MROH1: variants seen among roughly 807,000 people sequenced by gnomAD.
The protein encoded by MROH1 is maestro heat-like repeat-containing protein family member 1.
MROH1 carries 117 observed loss-of-function variants against 116.5 expected under a neutral mutation model. The observed-to-expected ratio is 1.00, with a 90% confidence interval of 0.86 to 1.17. MROH1 has a LOEUF of 1.17. Among genes scored for constraint, MROH1 ranks in the 50% most tolerant of loss-of-function variants. The pLI, the probability that MROH1 is intolerant of heterozygous loss-of-function variation, is 0.00. For missense variants in MROH1, 1,873 were observed against 1,338.5 expected (o/e 1.40, Z -6.23); for synonymous variants, 921 against 583.9 (o/e 1.58, Z -8.32).
At position 144,247,586 on chromosome 8, in the gene MROH1, C is replaced by T. The variant is rs917260082; in HGVS notation, c.3027C>T (p.Arg1009=). 2 of 774,290 alleles carry T rather than the reference C, an allele frequency of 2.6e-6. No individual in the cohort carries two copies. Among genetic ancestry groups the T allele is most frequent in the South Asian group, 2.7e-5 (2 of 73,986 alleles). The allele number at this position is 774,290 out of a possible 1,614,324, so 48.0% of individuals were successfully genotyped here. ...TCTCAGGCTTCTCCCGGGACTACCG[C>T]GATGACGTGGCGGAGCGGCTCCTCA... ...LGYEGFSRDY[R]DDVAERLLSL... The change falls in exon 31 of 44, where the codon CGC becomes CGT. Residue 1009 remains arginine, a synonymous_variant. Transcript: ENST00000326134.
At chr8:144,212,881 G>A (rs955204673) in intron 12 of MROH1, 41 of 627,424 alleles carry the variant, frequency 6.5e-5, no homozygotes, top group African/African-American at 3.0e-4. Context: ...ATGAGCCACC[G>A]CATCTAACCT....
chr8:144,242,092 G>A, intron 22 of MROH1: 1 of 558,710 alleles, frequency 1.8e-6, no homozygotes, highest in African/African-American at 1.9e-5. Flanking sequence ...GTGCTGCCTT[G>A]ACCCTCGGCC....
Position 144,247,307 on chromosome 8 carries a change from G to A in MROH1, c.2878G>A (p.Val960Met). ...CAGGCATCTCCTCCTCCAGGCCCTG[G>A]TGCCCTTCCACAACCTGGGCCTTCT... ...FLEHLRVSAL[V>M]PFHNLGLLIG... Residue 960 changes from valine to methionine, a missense_variant, in exon 30 of 44, where the codon GTG becomes ATG. Coordinates refer to ENST00000326134, the MANE Select transcript of MROH1 (RefSeq NM_032450.3). 1 of 771,636 alleles carries A rather than the reference G, an allele frequency of 1.3e-6. No homozygotes were observed. Among genetic ancestry groups the A allele is most frequent in the Non-Finnish European group, 2.4e-6 (1 of 416,758 alleles). The allele number at this position is 771,636 out of a possible 1,614,324, so 47.8% of individuals were successfully genotyped here. A position where few individuals can be genotyped will look rare whatever the true frequency, so the allele number is the denominator to read the frequency against.
At chr8:144,233,978 T>C (rs1839476324) in intron 14 of MROH1, among the ~76,000 whole-genome samples, 1 of 152,202 alleles carries the variant, frequency 6.6e-6, no homozygotes, top group Non-Finnish European at 1.5e-5. Context: ...GCACTGAATC[T>C]GTATATGTTT....
intron 12 of MROH1, among the ~76,000 whole-genome samples, chr8:144,218,235 G>T (rs902324796): frequency 6.6e-6 from 1 of 152,144 alleles, no homozygotes; most frequent in Non-Finnish European, 1.5e-5. Flanking sequence ...AACATTACCC[G>T]AGATGGACTT....
chr8:144,189,853 G>T (rs950719870), intron 7 of MROH1, among the ~76,000 whole-genome samples: 1 of 152,242 alleles, frequency 6.6e-6, no homozygotes, highest in Non-Finnish European at 1.5e-5. Context: ...ACTGGAGTGG[G>T]CAGGAACTTG....
In MROH1 at chr8:144,156,241, GAAA is replaced by G. The variant is rs1218482716; in HGVS notation, c.-176-4708_-176-4706del. The stretch of plus-strand genomic sequence containing the variant: ...AACAAGAGTGAAACTCCGTCTCAAA[GAAA>G]AAAAAAAAAAAAAAAAAAAAGTTGA... On this transcript the variant is annotated intron_variant, in intron 1 of 43. Coordinates refer to ENST00000326134, the MANE Select transcript of MROH1 (RefSeq NM_032450.3). 5.5e-3 allele frequency among the ~76,000 whole-genome samples: 324 copies of G among 58,530 alleles called. 3 individuals are homozygous for G. The highest frequency in any genetic ancestry group is 0.016 in the Middle Eastern group (1 of 64). The allele number at this position is 58,530 out of a possible 152,430, so 38.4% of individuals were successfully genotyped here.
rs1480334424 is a variant in MROH1, at chr8:144,180,090, AGCGT to A, written c.301-84_301-81del. The A allele has an allele frequency of 5.3e-6, 8 of 1,519,204 alleles. No homozygotes were observed. Among genetic ancestry groups the A allele is most frequent in the Non-Finnish European group, 7.2e-6 (8 of 1,108,366 alleles). 94.1% of individuals were successfully genotyped at this position (1,519,204 alleles called of 1,614,324 possible). A position where few individuals can be genotyped will look rare whatever the true frequency, so the allele number is the denominator to read the frequency against. ...TGCACTTTCTGGGGACGCTGAAAAC[AGCGT>A]GCGCTTGTCCAAGGCTGGCAGCGAC... is the stretch of plus-strand genomic sequence containing the variant. On this transcript the variant is annotated intron_variant, in intron 5 of 43. Transcript: ENST00000326134. The surrounding 1 kb of genome is among the most constrained non-coding windows in gnomAD (Gnocchi z 7.4).
At chr8:144,254,562 C>T (rs1024211751) in intron 33 of MROH1, 1 of 505,068 alleles carries the variant, frequency 2.0e-6, no homozygotes, top group African/African-American at 2.0e-5. Flanking sequence ...ACACCACTGC[C>T]CTGGGCCCTG....
At chr8:144,150,518 C>T (rs1816470020) in intron 1 of MROH1, among the ~76,000 whole-genome samples, 1 of 152,208 alleles carries the variant, frequency 6.6e-6, no homozygotes, top group Non-Finnish European at 1.5e-5. Flanking sequence ...CTGCTACTGG[C>T]ACCAGCACCG....
At chr8:144,241,324 A>G in intron 21 of MROH1, 71 bp from the exon 22 acceptor site, 1 of 718,644 alleles carries the variant, frequency 1.4e-6, no homozygotes, top group South Asian at 1.5e-5. Context: ...CCGTGTCCAC[A>G]CGTGACAGTG....
Position 144,238,767 on chromosome 8 carries a change from A to T in MROH1, c.1350A>T (p.Pro450=), listed in dbSNP as rs1840472019. ...ALPPEQEPEK[P]GPGSKDPKAD... The stretch of plus-strand genomic sequence containing the variant: ...TTGCCTTCCTCCAGCCTGAGAAGCC[A>T]GGCCCCGGCAGCAAGGACCCCAAGG... Residue 450 remains proline (P), a synonymous_variant, in exon 15 of 44, where the codon CCA becomes CCT. Transcript: ENST00000326134. 1.0e-5 allele frequency: 8 copies of T among 772,684 alleles called. No individual in the cohort carries two copies. Among genetic ancestry groups the T allele is most frequent in the Non-Finnish European group, 1.9e-5 (8 of 417,672 alleles). 47.9% of individuals were successfully genotyped at this position (772,684 alleles called of 1,614,324 possible).
In MROH1 at chr8:144,255,678, T is replaced by C; in HGVS notation, c.3764T>C (p.Leu1255Pro). 1.3e-6 allele frequency: 1 copy of C among 764,436 alleles called. No homozygotes were observed. Among genetic ancestry groups the C allele is most frequent in the Non-Finnish European group, 2.4e-6 (1 of 411,054 alleles). The allele number at this position is 764,436 out of a possible 1,614,324, so 47.4% of individuals were successfully genotyped here. ...GAAAGGAGGGGTGCCAGTCCAGCCC[T>C]AGCCACCAGGAACCTGGAACCCTGC... ...AQERRGASPALATRNLEPCSS... is the reference protein window; with the variant it reads ...AQERRGASPAPATRNLEPCSS... The change falls in exon 35 of 44, where the codon CTA becomes CCA. Residue 1255 changes from leucine to proline, a missense_variant. Transcript: ENST00000326134.
intron 8 of MROH1, 122 bp downstream of exon 8, chr8:144,191,057 T>C: frequency 9.3e-7 from 1 of 1,078,074 alleles, no homozygotes; most frequent in Non-Finnish European, 1.3e-6. Flanking sequence ...AGGTGCCCAA[T>C]GGGAGGTGGC....
At position 144,260,833 on chromosome 8, in the gene MROH1, G is replaced by T. The variant is rs1844903500; in HGVS notation, c.4536+1G>T. On this transcript the variant is annotated splice_donor_variant, in intron 40 of 43. Transcript: ENST00000326134. LOFTEE classifies it high-confidence loss of function. ...GGACCCTCAGGCCACCGTGGCCAGC[G>T]TGAGTAGCCAGGGGGTGAGTGGGAT... The T allele has an allele frequency of 2.6e-6, 2 of 777,724 alleles. No homozygotes were observed. Among genetic ancestry groups the T allele is most frequent in the Non-Finnish European group, 4.8e-6 (2 of 417,578 alleles). The allele number at this position is 777,724 out of a possible 1,614,324, so 48.2% of individuals were successfully genotyped here.
intron 4 of MROH1, among the ~76,000 whole-genome samples, chr8:144,178,623 T>A (rs1329839928): frequency 1.3e-5 from 2 of 152,182 alleles, no homozygotes; most frequent in Non-Finnish European, 2.9e-5. Context: ...ACAGAGCCTG[T>A]GGGCCTCTGG....
intron 32 of MROH1, among the ~76,000 whole-genome samples, chr8:144,249,971 C>T (rs1031191990): frequency 0.01 from 1,588 of 152,354 alleles, 27 homozygotes; most frequent in Non-Finnish European, 0.012. Flanking sequence ...TTGGCGCTTC[C>T]TCTACCTCCC....
intron 14 of MROH1, among the ~76,000 whole-genome samples, chr8:144,225,245 T>C (rs1407705369): frequency 6.6e-6 from 1 of 152,220 alleles, no homozygotes; most frequent in African/African-American, 2.4e-5. Flanking sequence ...TGTTTTCTTG[T>C]TATAGAATTT....
chr8:144,236,569 C>A (rs944390863), intron 14 of MROH1, among the ~76,000 whole-genome samples: 2 of 151,664 alleles, frequency 1.3e-5, no homozygotes, highest in African/African-American at 4.8e-5. Flanking sequence ...GGTGAAACCC[C>A]ATCTCTACTA....
Sources: gnomAD v4.1 joint callset for allele counts (sites outside exome capture counted in the v4.1 genomes callset) on GRCh38, gnomAD v4.1.1 for gene constraint, Gnocchi (gnomAD v3.1) non-coding constraint, MANE v1.5 for transcripts, NCBI Gene and HGNC (gene_info 2026-07-23, HGNC 2026-07-21) for gene names.